Variants in SPTY2D1 observed in about 807,000 individuals in gnomAD.
SPTY2D1 encodes the protein SPT2 chromatin protein domain containing 1.
Under a neutral mutation model 64.0 loss-of-function variants are expected in SPTY2D1, and 21 were observed. The ratio of observed to expected loss-of-function variants is 0.33; its 90% CI spans 0.23 to 0.47. SPTY2D1 has a LOEUF of 0.47. Among genes scored for constraint, SPTY2D1 ranks in the 20% least tolerant of loss-of-function variants. The pLI, the probability that SPTY2D1 is intolerant of heterozygous loss-of-function variation, is 1.00. For missense variants in SPTY2D1, 724 were observed against 837.2 expected, an observed-to-expected ratio of 0.86 and a Z score of 1.67; for synonymous variants, 287 against 286.8, an observed-to-expected ratio of 1.00 and a Z score of -0.01.
intron 1 of SPTY2D1, among the ~76,000 whole-genome samples, chr11:18,620,608 C>T (rs1047906636): frequency 3.3e-5 from 5 of 151,998 alleles, no homozygotes; most frequent in African/African-American, 4.8e-5. Flanking sequence ...ACTATTAAGC[C>T]GGGCACGGTG....
At chr11:18,611,645 T>A in intron 4 of SPTY2D1, 91 bp from the exon 5 acceptor site, 1 of 1,013,028 alleles carries the variant, frequency 9.9e-7, no homozygotes, top group Non-Finnish European at 1.5e-6. Context: ...ATATCTCCTT[T>A]AAAACTAAAT....
intron 4 of SPTY2D1, among the ~76,000 whole-genome samples, chr11:18,611,925 C>T (rs1423843680): frequency 6.6e-6 from 1 of 152,062 alleles, no homozygotes; most frequent in East Asian, 1.9e-4. Flanking sequence ...GCTTCATGAC[C>T]ATCATGAGGT....
chr11:18,612,409 G>A lies in SPTY2D1; in HGVS notation c.1791C>T (p.Tyr597=), dbSNP rs758063352. The change falls in exon 4 of 6, where the codon TAC becomes TAT. Residue 597 remains tyrosine, a synonymous_variant. Coordinates refer to ENST00000336349, the MANE Select transcript of SPTY2D1 (RefSeq NM_194285.3). The surrounding 1 kb of genome is among the most constrained non-coding windows in gnomAD (Gnocchi z 4.6). ...YEEEDDDDDE[Y]DSEMEDFIED... The stretch of plus-strand genomic sequence containing the variant: ...CAATAAAATCTTCCATTTCAGAGTC[G>A]TATTCATCATCATCGTCATCTTCCT... 1.8e-5 allele frequency: 29 copies of A among 1,609,090 alleles called. No individual in the cohort carries two copies. Among genetic ancestry groups the A allele is most frequent in the South Asian group, 1.2e-4 (11 of 90,664 alleles).
At position 18,607,665 on chromosome 11, in the gene SPTY2D1, AAGAC is replaced by A. The variant is rs577115827; in HGVS notation, c.*2192_*2195del. The A allele has an allele frequency of 2.1e-3, 313 of 152,594 alleles. 1 individual carries two copies. Among genetic ancestry groups the A allele is most frequent in the Non-Finnish European group, 3.6e-3 (244 of 68,024 alleles). 9.5% of individuals were successfully genotyped at this position (152,594 alleles called of 1,614,324 possible). A position where few individuals can be genotyped will look rare whatever the true frequency, so the allele number is the denominator to read the frequency against. Reference sequence around the variant, plus strand: ...CAGGAAGTGCAGAAAAACAACATGGAAGACAGGATTTGGAAACAAGGCCAAAATT... The same window carrying A: ...CAGGAAGTGCAGAAAAACAACATGGAAGGATTTGGAAACAAGGCCAAAATT... On this transcript the variant is annotated 3_prime_UTR_variant, in exon 6 of 6. Transcript: ENST00000336349.
intron 1 of SPTY2D1, among the ~76,000 whole-genome samples, chr11:18,622,130 A>AACAGC (rs1399438539): frequency 6.8e-6 from 1 of 147,936 alleles, no homozygotes; most frequent in East Asian, 2.0e-4. Context: ...AAAAAACCTC[A>AACAGC]ACAGCACAAA....
intron 1 of SPTY2D1, among the ~76,000 whole-genome samples, chr11:18,621,135 CA>C (rs1854389272): frequency 6.8e-6 from 1 of 146,254 alleles, no homozygotes; most frequent in Non-Finnish European, 1.5e-5. Context: ...GAAACCCCAT[CA>C]AAATACAAAA....
intron 1 of SPTY2D1, among the ~76,000 whole-genome samples, chr11:18,630,643 A>G (rs1854573039): frequency 6.6e-6 from 1 of 152,180 alleles, no homozygotes; most frequent in Non-Finnish European, 1.5e-5. Context: ...TAGGTTCCAA[A>G]TGAAGGTGGG....
intron 1 of SPTY2D1, among the ~76,000 whole-genome samples, chr11:18,633,856 T>C (rs1005043600): frequency 6.6e-6 from 1 of 152,144 alleles, no homozygotes; most frequent in African/African-American, 2.4e-5. Context: ...AGGCTGAAGT[T>C]TATGTGGAAG....
chr11:18,617,979 A>G (rs1000346679), intron 1 of SPTY2D1, among the ~76,000 whole-genome samples: 5 of 151,400 alleles, frequency 3.3e-5, no homozygotes, highest in African/African-American at 4.9e-5. Context: ...AAGTAAGTAA[A>G]TGTATAAAAT....
rs1486723781 is a variant in SPTY2D1 at position 18,606,861 on chromosome 11, C to T, written c.*3000G>A. 1 of 366,780 alleles carries T rather than the reference C, an allele frequency of 2.7e-6. No individual in the cohort carries two copies. The highest frequency in any genetic ancestry group is 5.1e-6 in the Non-Finnish European group (1 of 195,250). 22.7% of individuals were successfully genotyped at this position (366,780 alleles called of 1,614,324 possible). On this transcript the variant is annotated 3_prime_UTR_variant, in exon 6 of 6. Coordinates refer to ENST00000336349, the MANE Select transcript of SPTY2D1 (RefSeq NM_194285.3). The stretch of plus-strand genomic sequence containing the variant: ...ACATTAAAAATGAAAATTTGAGTTC[C>T]CACATTCTTTTTTTTTTGACATGGA...
chr11:18,634,215 C>T lies in SPTY2D1; in HGVS notation c.43G>A (p.Gly15Ser), dbSNP rs1415324073. 3.7e-6 allele frequency: 6 copies of T among 1,614,128 alleles called. No individual in the cohort carries two copies. The Admixed American group carries it at 8.3e-5, about 22-fold the overall frequency. ...CTACTTACCGGCACATTGTTGACAC[C>T]TTGTCCCTTGGAAGCTATCATGAGA... Reference protein sequence around the residue: ...EILMIASKGQGVNNVPKRYSL... With the variant: ...EILMIASKGQSVNNVPKRYSL... Residue 15 changes from glycine (G) to serine (S), a missense_variant, in exon 1 of 6, where the codon GGT becomes AGT. This residue lies in a region of SPTY2D1 where 179 missense variants were observed against 232.5 expected (regional missense o/e 0.77). Coordinates refer to ENST00000336349, the MANE Select transcript of SPTY2D1 (RefSeq NM_194285.3).
intron 1 of SPTY2D1, among the ~76,000 whole-genome samples, chr11:18,617,994 A>T (rs189442233): frequency 1.3e-5 from 2 of 152,338 alleles, no homozygotes; most frequent in East Asian, 3.9e-4. Context: ...TAAAATTCTG[A>T]GTTTAAAAAT....
chr11:18,618,783 G>A (rs576605591), intron 1 of SPTY2D1, among the ~76,000 whole-genome samples: 3 of 152,320 alleles, frequency 2.0e-5, no homozygotes, highest in African/African-American at 7.2e-5. Context: ...CAAATACGAC[G>A]TATCTTGAAA....
chr11:18,630,148 A>G (rs916886196), intron 1 of SPTY2D1, among the ~76,000 whole-genome samples: 6 of 151,248 alleles, frequency 4.0e-5, no homozygotes, highest in Non-Finnish European at 4.4e-5. Context: ...CAGCCTGGTG[A>G]CAGAGGAAGA....
chr11:18,615,554 T>C lies in SPTY2D1; in HGVS notation c.720A>G (p.Thr240=). 1 of 1,614,244 alleles carries C rather than the reference T, an allele frequency of 6.2e-7. No homozygotes were observed. Among genetic ancestry groups the C allele is most frequent in the Non-Finnish European group, 8.5e-7 (1 of 1,180,036 alleles). ...KAPSQKESVG[T]KLSKGSGDRH... ...TGTCTCCAGAACCTTTGCTAAGTTT[T>C]GTGCCCACACTTTCTTTCTGAGAGG... The change falls in exon 3 of 6, where the codon ACA becomes ACG. Residue 240 remains threonine, a synonymous_variant. Transcript: ENST00000336349.
In SPTY2D1 at chr11:18,615,578, G is replaced by A; in HGVS notation, c.696C>T (p.Pro232=). The change falls in exon 3 of 6, where the codon CCC becomes CCT. Residue 232 remains proline, a synonymous_variant. Transcript: ENST00000336349. The part of the protein sequence containing the change: ...KLPPTVSKKA[P]SQKESVGTKL... Reference sequence around the variant, plus strand: ...TTGTGCCCACACTTTCTTTCTGAGAGGGTGCCTTTTTGGACACAGTTGGAG... The same window carrying A: ...TTGTGCCCACACTTTCTTTCTGAGAAGGTGCCTTTTTGGACACAGTTGGAG... 1.2e-6 allele frequency: 2 copies of A among 1,614,190 alleles called. No homozygotes were observed. The highest frequency in any genetic ancestry group is 1.1e-5 in the South Asian group (1 of 91,076).
Position 18,613,885 on chromosome 11 carries a change from A to G in SPTY2D1, c.1711+678T>C, listed in dbSNP as rs1277021635. On this transcript the variant is annotated intron_variant, in intron 3 of 5. Coordinates refer to ENST00000336349, the MANE Select transcript of SPTY2D1 (RefSeq NM_194285.3). ...ATCTAAAAACAGTTCCTGGCACATA[A>G]TGGGTGCCCAAGAAATATCTGCTGA... Among the ~76,000 whole-genome samples, 4 of 152,142 alleles carry G rather than the reference A, an allele frequency of 2.6e-5. No homozygotes were observed. In the East Asian group the frequency reaches 5.8e-4, roughly 22 times the overall value.
chr11:18,633,400 T>A lies in SPTY2D1; in HGVS notation c.60+798A>T, dbSNP rs78468379. ...GTGCTGTGGGTACCATCTGAAAATC[T>A]GGAAATGATTAGCTTATGCAAAACA... On this transcript the variant is annotated intron_variant, in intron 1 of 5. Coordinates refer to ENST00000336349, the MANE Select transcript of SPTY2D1 (RefSeq NM_194285.3). 6.6e-4 allele frequency among the ~76,000 whole-genome samples: 101 copies of A among 152,334 alleles called. 4 individuals carry two copies. The South Asian group carries it at 0.021, about 31-fold the overall frequency.
intron 1 of SPTY2D1, among the ~76,000 whole-genome samples, chr11:18,621,766 T>G (rs1317983305): frequency 6.6e-6 from 1 of 152,090 alleles, no homozygotes; most frequent in Non-Finnish European, 1.5e-5. Context: ...CCATAATCAA[T>G]TAATTTCTTA....
Sources: allele counts gnomAD v4.1 joint callset (sites outside exome capture counted in the v4.1 genomes callset), GRCh38; gene constraint gnomAD v4.1.1; regional missense constraint gnomAD v4.1.1; non-coding constraint Gnocchi (gnomAD v3.1); transcripts MANE v1.5; gene names NCBI Gene and HGNC (gene_info 2026-07-23, HGNC 2026-07-21).